Variants in ATP10A observed in about 807,000 individuals in gnomAD.
The protein encoded by ATP10A is phospholipid-transporting ATPase VA.
A neutral mutation model predicts 147.8 loss-of-function variants in ATP10A; 111 were observed. The ratio of observed to expected loss-of-function variants is 0.75; its 90% CI spans 0.64 to 0.88. The LOEUF is 0.88. Among genes scored for constraint, ATP10A ranks in the 40% least tolerant of loss-of-function variants. The pLI, the probability that ATP10A is intolerant of heterozygous loss-of-function variation, is 0.00. For synonymous variants in ATP10A, 875 were observed against 841.6 expected (o/e 1.04, Z -0.69); for missense variants, 1,927 against 1,959.0 (o/e 0.98, Z 0.31).
intron 2 of ATP10A, among the ~76,000 whole-genome samples, chr15:25,748,622 G>C (rs1210332934): frequency 6.6e-6 from 1 of 151,644 alleles, no homozygotes; most frequent in African/African-American, 2.4e-5. Context: ...ATTTAGAACT[G>C]TACTGGAGTC....
intron 2 of ATP10A, among the ~76,000 whole-genome samples, chr15:25,745,927 A>G (rs1887825286): frequency 6.6e-6 from 1 of 152,200 alleles, no homozygotes; most frequent in Non-Finnish European, 1.5e-5. Flanking sequence ...TGGTAAACTC[A>G]ATGAATCAGA....
At chr15:25,687,884 T>A (rs1899784922) in intron 15 of ATP10A, 56 bp from the exon 16 acceptor site, 1 of 1,610,010 alleles carries the variant, frequency 6.2e-7, no homozygotes, top group Admixed American at 1.7e-5. Context: ...GTCAGATTTG[T>A]CTTCTCTTCT....
intron 13 of ATP10A, among the ~76,000 whole-genome samples, chr15:25,696,641 G>A (rs114263403): frequency 0.011 from 1,629 of 152,334 alleles, 16 homozygotes; most frequent in African/African-American, 0.025. Context: ...GTATGTCACT[G>A]TCACTCTGGT....
chr15:25,701,930 T>C lies in ATP10A; in HGVS notation c.2746A>G (p.Asn916Asp), dbSNP rs1567312697. The change falls in exon 13 of 21, where the codon AAT becomes GAT. Residue 916 changes from asparagine (N) to aspartate (D), a missense_variant. By Grantham distance (23) the Asn-to-Asp change is conservative. Coordinates refer to ENST00000555815, the MANE Select transcript of ATP10A (RefSeq NM_024490.4). ...AACCCACCTACCTGGGAGGTGGCAT[T>C]CAGGGTGATGACCTCCTCGTCGTGG... ...LDHDEEVITL[N>D]ATSQEACAAL... The C allele has an allele frequency of 1.2e-5, 20 of 1,605,582 alleles. No individual in the cohort carries two copies. Among genetic ancestry groups the C allele is most frequent in the Non-Finnish European group, 1.7e-5 (20 of 1,175,254 alleles).
chr15:25,700,859 A>C lies in ATP10A; in HGVS notation c.2760+1057T>G, dbSNP rs73361182. The stretch of plus-strand genomic sequence containing the variant: ...ATGCTAATTATAGATAAATAAATAA[A>C]AGCAATGACCAGGTCATCAGGTCAA... On this transcript the variant is annotated intron_variant, in intron 13 of 20. Transcript: ENST00000555815. Among the ~76,000 whole-genome samples, 904 of 152,250 alleles carry C rather than the reference A, an allele frequency of 5.9e-3. 11 individuals carry two copies. The highest frequency in any genetic ancestry group is 0.021 in the African/African-American group (874 of 41,540).
intron 1 of ATP10A, among the ~76,000 whole-genome samples, chr15:25,858,030 G>A (rs77953129): frequency 0.021 from 3,204 of 152,278 alleles, 45 homozygotes; most frequent in African/African-American, 0.037. Flanking sequence ...AAGGTTTTAG[G>A]AAAAGAAACG....
intron 1 of ATP10A, among the ~76,000 whole-genome samples, chr15:25,791,662 C>T (rs1890433950): frequency 6.6e-6 from 1 of 152,178 alleles, no homozygotes; most frequent in South Asian, 2.1e-4. Context: ...ACTGTGATTA[C>T]AGGTGTGAGC....
At chr15:25,692,237 CT>C (rs60947517) in intron 14 of ATP10A, among the ~76,000 whole-genome samples, 1 of 151,942 alleles carries the variant, frequency 6.6e-6, no homozygotes, top group Non-Finnish European at 1.5e-5. Context: ...TTGTGGAGCT[CT>C]TTTTTTTGCA....
At chr15:25,678,419 C>T (rs1311519838), downstream of ATP10A, 1 of 152,126 alleles carries the variant, frequency 6.6e-6, no homozygotes, top group Non-Finnish European at 1.5e-5. Context: ...CATGCCATAT[C>T]ATTGCCTTGG....
chr15:25,742,016 A>C (rs991374458), intron 2 of ATP10A, among the ~76,000 whole-genome samples: 2 of 152,244 alleles, frequency 1.3e-5, no homozygotes, highest in African/African-American at 4.8e-5. Context: ...ATGAGCATGA[A>C]ACCCATTTAG....
In ATP10A at chr15:25,788,691, G is replaced by A. The variant is rs542816372; in HGVS notation, c.450-7468C>T. 2.0e-4 allele frequency among the ~76,000 whole-genome samples: 30 copies of A among 152,330 alleles called. No homozygotes were observed. The South Asian group carries it at 4.6e-3, about 23-fold the overall frequency. On this transcript the variant is annotated intron_variant, in intron 1 of 20. Transcript: ENST00000555815. ...TTTGTGGTTTGGAATTAAAACAAGA[G>A]CTGTTACTTTGATTTTTTTATTAGA...
chr15:25,721,627 G>A (rs991941396), intron 7 of ATP10A, 30 bp downstream of exon 7: 2 of 1,600,854 alleles, frequency 1.2e-6, no homozygotes, highest in Admixed American at 3.4e-5. Flanking sequence ...GGTTCAGCCT[G>A]GGTTGGGAGC....
At chr15:25,763,862 T>C in intron 2 of ATP10A, among the ~76,000 whole-genome samples, 1 of 152,256 alleles carries the variant, frequency 6.6e-6, no homozygotes, top group East Asian at 1.9e-4. Flanking sequence ...TTAGAGCTTT[T>C]CAAAAGTACA....
At chr15:25,738,234 C>G (rs925960864) in intron 2 of ATP10A, among the ~76,000 whole-genome samples, 6 of 152,168 alleles carry the variant, frequency 3.9e-5, no homozygotes, top group Non-Finnish European at 7.3e-5. Context: ...TGAGGTCATG[C>G]CCAAGTTATC....
intron 1 of ATP10A, among the ~76,000 whole-genome samples, chr15:25,823,422 G>T (rs547742129): frequency 6.6e-6 from 1 of 152,256 alleles, no homozygotes; most frequent in East Asian, 1.9e-4. Context: ...AAAACAAAGT[G>T]GCCTGCACAA....
At chr15:25,697,701 G>A (rs192098930) in intron 13 of ATP10A, among the ~76,000 whole-genome samples, 69 of 152,314 alleles carry the variant, frequency 4.5e-4, no homozygotes, top group African/African-American at 1.4e-3. Context: ...TGCCCTCAAG[G>A]AGAAAACTAT....
At chr15:25,712,435 C>G (rs1417562291) in intron 10 of ATP10A, among the ~76,000 whole-genome samples, 1 of 152,204 alleles carries the variant, frequency 6.6e-6, no homozygotes, top group Non-Finnish European at 1.5e-5. Flanking sequence ...CATGCCAGGG[C>G]CACTCCATGC....
At chr15:25,775,561 T>A (rs1889562805) in intron 2 of ATP10A, among the ~76,000 whole-genome samples, 1 of 152,232 alleles carries the variant, frequency 6.6e-6, no homozygotes, top group Non-Finnish European at 1.5e-5. Flanking sequence ...TCTTTCTTCC[T>A]TATTTGGAAC....
At chr15:25,784,017 G>A (rs2140718634) in intron 1 of ATP10A, among the ~76,000 whole-genome samples, 1 of 152,346 alleles carries the variant, frequency 6.6e-6, no homozygotes, top group African/African-American at 2.4e-5. Flanking sequence ...AGGAAGCTAT[G>A]ATGACTGAGA....
Sources: gnomAD v4.1 joint callset for allele counts (sites outside exome capture counted in the v4.1 genomes callset) on GRCh38, gnomAD v4.1.1 for gene constraint, MANE v1.5 for transcripts, NCBI Gene and HGNC (gene_info 2026-07-23, HGNC 2026-07-21) for gene names.